The following RAB27A variants were observed in gnomAD, a reference collection of about 807,000 sequenced individuals.
RAB27A encodes RAB27A, member RAS oncogene family, also known as ras-related protein Rab-27A.
Under a neutral mutation model 20.8 loss-of-function variants are expected in RAB27A, and 17 were observed. That is an observed-to-expected ratio of 0.82 (90% CI 0.56 to 1.23). RAB27A has a LOEUF of 1.23. Ranked by LOEUF, RAB27A falls within the 50% of genes most tolerant of loss-of-function variation. The probability of loss-of-function intolerance (pLI) is 0.00; values close to 1 mark genes in which losing one functional copy is unlikely to be tolerated. For synonymous variants in RAB27A, 85 were observed against 92.8 expected, an observed-to-expected ratio of 0.92 and a Z score of 0.48; for missense variants, 277 against 266.7, an observed-to-expected ratio of 1.04 and a Z score of -0.27.
chr15:55,227,994 T>C (rs1266399402), intron 5 of RAB27A, among the ~76,000 whole-genome samples: 2 of 152,204 alleles, frequency 1.3e-5, no homozygotes, highest in East Asian at 3.9e-4. Flanking sequence ...GAAATGGCTA[T>C]GAACCAATCA....
intron 2 of RAB27A, among the ~76,000 whole-genome samples, chr15:55,246,774 A>G (rs1896702793): frequency 6.6e-6 from 1 of 152,086 alleles, no homozygotes; most frequent in African/African-American, 2.4e-5. Context: ...TGCTCAACCC[A>G]TAGCTAAACA....
At chr15:55,292,364 C>T (rs1358563570), upstream of RAB27A, among the ~76,000 whole-genome samples, 2 of 152,230 alleles carry the variant, frequency 1.3e-5, no homozygotes, top group Admixed American at 1.3e-4. Context: ...TAATAAGTGG[C>T]ACAGCCAGGC....
chr15:55,243,775 T>G (rs902384609), intron 2 of RAB27A, among the ~76,000 whole-genome samples: 6 of 152,194 alleles, frequency 3.9e-5, no homozygotes, highest in Admixed American at 3.9e-4. Flanking sequence ...CTCAGTTATA[T>G]TCAATGTGGA....
intron 6 of RAB27A, among the ~76,000 whole-genome samples, chr15:55,207,792 C>T (rs144253926): frequency 3.9e-4 from 59 of 152,210 alleles, no homozygotes; most frequent in African/African-American, 1.3e-3. Context: ...AAGCGATTCT[C>T]GTCCCTCAGC....
At chr15:55,279,733 T>C (rs551605793) in intron 1 of RAB27A, among the ~76,000 whole-genome samples, 2 of 152,336 alleles carry the variant, frequency 1.3e-5, no homozygotes, top group African/African-American at 4.8e-5. Context: ...TGTATGGCAT[T>C]CTAATGAAGA....
In RAB27A at chr15:55,316,638, G is replaced by A. The variant is rs542121206; in HGVS notation, c.-234+2293C>T. On this transcript the variant is annotated intron_variant, in intron 1 of 5. Coordinates refer to the RAB27A transcript ENST00000563262. ...TACAAACTTAACGCTAGAGTAAAAA[G>A]TAATACCAATTCTTAGTAACTTCAA... Among the ~76,000 whole-genome samples the A allele has an allele frequency of 8.7e-4, 131 of 150,834 alleles. No individual in the cohort carries two copies. The South Asian group carries it at 0.027, about 31-fold the overall frequency.
intron 6 of RAB27A, among the ~76,000 whole-genome samples, chr15:55,214,589 T>C (rs1391510537): frequency 1.3e-5 from 2 of 152,216 alleles, no homozygotes; most frequent in Non-Finnish European, 2.9e-5. Context: ...CTCTAAAATA[T>C]CTTAATCAGA....
intron 2 of RAB27A, among the ~76,000 whole-genome samples, chr15:55,245,557 T>A (rs1252299393): frequency 6.6e-6 from 1 of 152,232 alleles, no homozygotes; most frequent in Non-Finnish European, 1.5e-5. Context: ...CAGTACAGTA[T>A]TTTATAATAA....
chr15:55,273,911 T>C (rs1027968717), intron 1 of RAB27A, among the ~76,000 whole-genome samples: 1 of 152,192 alleles, frequency 6.6e-6, no homozygotes, highest in Non-Finnish European at 1.5e-5. Flanking sequence ...AACAGGCACA[T>C]ACAGAACTTT....
intron 1 of RAB27A, among the ~76,000 whole-genome samples, chr15:55,314,593 C>T (rs771217787): frequency 6.6e-6 from 1 of 152,136 alleles, no homozygotes; most frequent in Non-Finnish European, 1.5e-5. Flanking sequence ...AATCAATGTG[C>T]AAAAATCACA....
At chr15:55,251,504 C>T (rs1896889045) in intron 2 of RAB27A, among the ~76,000 whole-genome samples, 1 of 152,120 alleles carries the variant, frequency 6.6e-6, no homozygotes, top group South Asian at 2.1e-4. Context: ...ATTGGTGATC[C>T]TTTCTTGTAT....
chr15:55,253,508 G>C (rs12910930), intron 2 of RAB27A, among the ~76,000 whole-genome samples: 75,192 of 151,730 alleles, frequency 0.5, 19,183 homozygotes, highest in Non-Finnish European at 0.54. Context: ...ACTAAGTTTC[G>C]TTTTCCTACC....
At chr15:55,275,715 C>G (rs1324219277) in intron 1 of RAB27A, among the ~76,000 whole-genome samples, 6 of 151,474 alleles carry the variant, frequency 4.0e-5, no homozygotes, top group African/African-American at 1.5e-4. Flanking sequence ...ACAAGAACCT[C>G]ATACTACTGA....
At chr15:55,223,604 A>G (rs948361564) in intron 6 of RAB27A, among the ~76,000 whole-genome samples, 1 of 152,184 alleles carries the variant, frequency 6.6e-6, no homozygotes, top group African/African-American at 2.4e-5. Context: ...TCTTGGAAAG[A>G]AGGCCTTACA....
chr15:55,275,623 T>G (rs1025702345), intron 1 of RAB27A, among the ~76,000 whole-genome samples: 1 of 147,272 alleles, frequency 6.8e-6, no homozygotes, highest in Non-Finnish European at 1.5e-5. Flanking sequence ...ACACTCCACC[T>G]CAAAAAAAAA....
chr15:55,307,246 G>C (rs1288229551), intron 2 of RAB27A, among the ~76,000 whole-genome samples: 1 of 151,978 alleles, frequency 6.6e-6, no homozygotes, highest in Non-Finnish European at 1.5e-5. Context: ...AGGAGGTGAT[G>C]TCTGCAACTA....
chr15:55,292,507 A>G (rs1169233221), upstream of RAB27A, among the ~76,000 whole-genome samples: 1 of 152,252 alleles, frequency 6.6e-6, no homozygotes, highest in African/African-American at 2.4e-5. Flanking sequence ...ATGAATGGAC[A>G]TATTTGACAT....
At position 55,255,550 on chromosome 15, in the gene RAB27A, C is replaced by T. The variant is rs577862093; in HGVS notation, c.-23+14615G>A. Among the ~76,000 whole-genome samples, 29 of 152,286 alleles carry T rather than the reference C, an allele frequency of 1.9e-4. No individual in the cohort carries two copies. The South Asian group carries it at 3.1e-3, about 16-fold the overall frequency. On this transcript the variant is annotated intron_variant, in intron 2 of 6. Coordinates refer to ENST00000336787, the MANE Select transcript of RAB27A (RefSeq NM_183235.3). ...GCTTTCTCTAATAGCCTTTTCCTTC[C>T]GCTGGTTCCCTCCATTCCCTGCCAA...
At chr15:55,245,179 C>A (rs951275283) in intron 2 of RAB27A, among the ~76,000 whole-genome samples, 10 of 152,318 alleles carry the variant, frequency 6.6e-5, no homozygotes, top group African/African-American at 2.4e-4. Context: ...GCTACTTCCA[C>A]TTCAAAAGCA....
Sources: allele counts gnomAD v4.1 joint callset (sites outside exome capture counted in the v4.1 genomes callset), GRCh38; gene constraint gnomAD v4.1.1; transcripts MANE v1.5; gene names NCBI Gene and HGNC (gene_info 2026-07-23, HGNC 2026-07-21).